Variants in TRIM66 observed in about 807,000 individuals in gnomAD.
TRIM66 encodes tripartite motif containing 66.
A neutral mutation model predicts 148.2 loss-of-function variants in TRIM66; 99 were observed. The ratio of observed to expected loss-of-function variants is 0.67; its 90% confidence interval spans 0.57 to 0.79. The LOEUF (loss-of-function observed/expected upper bound fraction) is 0.79. Ranked by LOEUF, TRIM66 falls within the 30% of genes least tolerant of loss-of-function variation. TRIM66 has a pLI of 0.00. For missense variants in TRIM66, 1,666 were observed against 1,697.9 expected (o/e 0.98, Z 0.33); for synonymous variants, 616 against 635.9 (o/e 0.97, Z 0.47).
intron 11 of TRIM66, among the ~76,000 whole-genome samples, chr11:8,646,088 A>G (rs2036820757): frequency 6.6e-6 from 1 of 152,198 alleles, no homozygotes; most frequent in South Asian, 2.1e-4. Context: ...TTTATAGTGC[A>G]AATATGGAAT....
intron 6 of TRIM66, among the ~76,000 whole-genome samples, chr11:8,666,633 G>A (rs1592192759): frequency 1.3e-5 from 2 of 151,902 alleles, no homozygotes; most frequent in African/African-American, 4.8e-5. Context: ...CCATTTTACA[G>A]GCAAAAAAAA....
At chr11:8,643,986 T>C (rs142515262) in intron 12 of TRIM66, among the ~76,000 whole-genome samples, 28 of 152,342 alleles carry the variant, frequency 1.8e-4, no homozygotes, top group African/African-American at 6.3e-4. Context: ...ATCTCTTGCA[T>C]GGCAACCACC....
Position 8,619,535 on chromosome 11 carries a change from C to T in TRIM66, c.3748G>A (p.Ala1250Thr). The T allele has an allele frequency of 6.5e-7, 1 of 1,534,306 alleles. No individual in the cohort carries two copies. ...TTGATAATCTGGTAATAATGCCGGG[C>T]CTTGGGGGAGGAGACATGAGGAGAA... ...LPFHEPVSPLARHYYQIIKRP... is the reference protein window; with the variant it reads ...LPFHEPVSPLTRHYYQIIKRP... Residue 1250 changes from alanine (A) to threonine (T), a missense_variant and splice_region_variant, in exon 23 of 25, where the codon GCC becomes ACC. Coordinates refer to ENST00000646038, the MANE Select transcript of TRIM66 (RefSeq NM_001388022.1).
At position 8,649,866 on chromosome 11, in the gene TRIM66, TCTC is replaced by T. The variant is rs1565538340; in HGVS notation, c.463_465del (p.Glu155del). On this transcript the variant is annotated inframe_deletion, in exon 8 of 25. Coordinates refer to ENST00000646038, the MANE Select transcript of TRIM66 (RefSeq NM_001388022.1). The stretch of plus-strand genomic sequence containing the variant: ...GTGCAGAGGATATGTGCTGCCCTCT[TCTC>T]CTTGCACTCAGAGCAGTTCTGGAAG... The T allele has an allele frequency of 5.8e-6, 9 of 1,551,560 alleles. No individual in the cohort carries two copies. In the South Asian group the frequency reaches 9.5e-5, roughly 16 times the overall value.
In TRIM66 at chr11:8,651,872, T is replaced by C. The variant is rs1025699596; in HGVS notation, c.372A>G (p.Val124=). 31 of 1,551,594 alleles carry C rather than the reference T, an allele frequency of 2.0e-5. No homozygotes were observed. Among genetic ancestry groups the C allele is most frequent in the Non-Finnish European group, 2.4e-5 (27 of 1,146,996 alleles). ...ELISCPGCER[V]YLTRDVTEHF... ...GTTCAGTTACATCCCTGGTAAGATA[T>C]ACTCGTTCACACCCAGGACAGGAGA... The change falls in exon 7 of 25, where the codon GTA becomes GTG. Residue 124 remains valine (V), a synonymous_variant. Transcript: ENST00000646038.
At chr11:8,621,404 T>C (rs916673861) in intron 19 of TRIM66, 83 bp from the exon 20 acceptor site, 1 of 1,457,728 alleles carries the variant, frequency 6.9e-7, no homozygotes, top group Non-Finnish European at 9.1e-7. Context: ...TGGCAGGCCC[T>C]GCATGCCTAC....
At chr11:8,656,776 G>A (rs2037866321) in intron 6 of TRIM66, among the ~76,000 whole-genome samples, 1 of 152,322 alleles carries the variant, frequency 6.6e-6, no homozygotes, top group East Asian at 1.9e-4. Flanking sequence ...TCATGCAGCT[G>A]AGAAAGGCAG....
At chr11:8,627,420 C>T (rs549469370) in intron 15 of TRIM66, among the ~76,000 whole-genome samples, 5 of 152,150 alleles carry the variant, frequency 3.3e-5, no homozygotes, top group Non-Finnish European at 7.4e-5. Flanking sequence ...AGGCAATTTG[C>T]TAAATGTTTT....
At chr11:8,664,165 G>A (rs1301063041) in intron 6 of TRIM66, among the ~76,000 whole-genome samples, 1 of 152,168 alleles carries the variant, frequency 6.6e-6, no homozygotes, top group Non-Finnish European at 1.5e-5. Flanking sequence ...TATGTGAGGT[G>A]TTGTATATGT....
At chr11:8,638,898 A>C (rs1592089631) in intron 14 of TRIM66, 83 bp from the exon 15 acceptor site, 1 of 1,407,586 alleles carries the variant, frequency 7.1e-7, no homozygotes, top group Non-Finnish European at 9.5e-7. Context: ...GCTAGTGCTC[A>C]CCCTGCCATG....
In TRIM66 at chr11:8,682,643, C is replaced by A. The variant is rs1347816448; in HGVS notation, c.-590G>T. The A allele has an allele frequency of 4.1e-6, 3 of 736,572 alleles. No homozygotes were observed. The highest frequency in any genetic ancestry group is 1.8e-5 in the African/African-American group (1 of 56,560). The allele number at this position is 736,572 out of a possible 1,614,324, so 45.6% of individuals were successfully genotyped here. ...ACCAGGACACTCCGTGATGGGGGAT[C>A]ACCACCCTCAGAAAGAGGAAGCGAC... On this transcript the variant is annotated 5_prime_UTR_variant, in exon 1 of 25. Coordinates refer to ENST00000646038, the MANE Select transcript of TRIM66 (RefSeq NM_001388022.1).
intron 3 of TRIM66, among the ~76,000 whole-genome samples, chr11:8,677,180 A>T (rs1038260060): frequency 6.6e-6 from 1 of 152,198 alleles, no homozygotes; most frequent in Non-Finnish European, 1.5e-5. Flanking sequence ...CACTCATTTT[A>T]GGGAGAAAAT....
intron 18 of TRIM66, among the ~76,000 whole-genome samples, chr11:8,622,129 C>G (rs1053092220): frequency 6.6e-6 from 1 of 151,626 alleles, no homozygotes; most frequent in African/African-American, 2.4e-5. Flanking sequence ...CTGGCTATAT[C>G]TTTCTCCTGT....
intron 17 of TRIM66, 112 bp from the exon 18 acceptor site, chr11:8,622,988 T>G: frequency 1.2e-6 from 1 of 847,156 alleles, no homozygotes. Context: ...ACATCTGTCA[T>G]ACAGTAGTTA....
chr11:8,624,516 T>G lies in TRIM66; in HGVS notation c.2862A>C (p.Leu954Phe), dbSNP rs1314988746. Reference sequence around the variant, plus strand: ...CGGGGACTATGGGACCTTGTCCCAGTAAGTCAGTGAAGCGAGTGGAATCCT... The same window carrying G: ...CGGGGACTATGGGACCTTGTCCCAGGAAGTCAGTGAAGCGAGTGGAATCCT... ...ESEDSTRFTD[L>F]LGQGPIVPGL... Residue 954 changes from leucine to phenylalanine, a missense_variant, in exon 17 of 25, where the codon TTA becomes TTC. Physicochemically the swap from Leu to Phe is conservative, Grantham distance 22. Transcript: ENST00000646038. The G allele has an allele frequency of 6.5e-7, 1 of 1,541,234 alleles. No homozygotes were observed. The highest frequency in any genetic ancestry group is 8.7e-7 in the Non-Finnish European group (1 of 1,144,138).
In TRIM66 at chr11:8,619,993, T is replaced by C; in HGVS notation, c.3747+57A>G. ...GGGTTAGGGGAGGCTGGGGTAGCAGTATAGGCACAAATCCACATGCAAGGA... is the reference window on the plus strand; with the variant it reads ...GGGTTAGGGGAGGCTGGGGTAGCAGCATAGGCACAAATCCACATGCAAGGA... On this transcript the variant is annotated intron_variant, in intron 22 of 24. Coordinates refer to ENST00000646038, the MANE Select transcript of TRIM66 (RefSeq NM_001388022.1). 8.9e-6 allele frequency: 13 copies of C among 1,455,128 alleles called. 1 individual carries two copies. In the South Asian group the frequency reaches 1.3e-4, roughly 15 times the overall value. The allele number at this position is 1,455,128 out of a possible 1,614,324, so 90.1% of individuals were successfully genotyped here. A position where few individuals can be genotyped will look rare whatever the true frequency, so the allele number is the denominator to read the frequency against.
Position 8,616,567 on chromosome 11 carries a change from A to G in TRIM66, c.*1377T>C, listed in dbSNP as rs1488585927. The stretch of plus-strand genomic sequence containing the variant: ...GTAGCCTGACCTCCAGTATCCTCAC[A>G]AACACCCTGCGAGGGCCATGCAGAT... On this transcript the variant is annotated 3_prime_UTR_variant, in exon 25 of 25. Coordinates refer to ENST00000646038, the MANE Select transcript of TRIM66 (RefSeq NM_001388022.1). 1 of 152,174 alleles carries G rather than the reference A, an allele frequency of 6.6e-6. No individual in the cohort carries two copies. The highest frequency in any genetic ancestry group is 1.5e-5 in the Non-Finnish European group (1 of 68,052). The allele number at this position is 152,174 out of a possible 1,614,324, so 9.4% of individuals were successfully genotyped here.
In TRIM66 at chr11:8,613,666, G is replaced by A. The variant is rs1368784828; in HGVS notation, c.*4278C>T. ...CCAGGGAGTGGGAGCAGTGGAGTAAGCGAGGGAGCAGTCTTGGAGGACATA... is the reference window on the plus strand; with the variant it reads ...CCAGGGAGTGGGAGCAGTGGAGTAAACGAGGGAGCAGTCTTGGAGGACATA... On this transcript the variant is annotated 3_prime_UTR_variant, in exon 25 of 25. Coordinates refer to ENST00000646038, the MANE Select transcript of TRIM66 (RefSeq NM_001388022.1). 6.6e-6 allele frequency: 1 copy of A among 152,326 alleles called. No homozygotes were observed. The highest frequency in any genetic ancestry group is 1.5e-5 in the Non-Finnish European group (1 of 68,140). The allele number at this position is 152,326 out of a possible 1,614,324, so 9.4% of individuals were successfully genotyped here.
At chr11:8,657,696 C>T (rs1269870737) in intron 6 of TRIM66, among the ~76,000 whole-genome samples, 1 of 152,060 alleles carries the variant, frequency 6.6e-6, no homozygotes, top group African/African-American at 2.4e-5. Flanking sequence ...CAGCCCCAGT[C>T]TACTGAGCAC....
Sources: allele counts gnomAD v4.1 joint callset (sites outside exome capture counted in the v4.1 genomes callset), GRCh38; gene constraint gnomAD v4.1.1; transcripts MANE v1.5; gene names NCBI Gene and HGNC (gene_info 2026-07-23, HGNC 2026-07-21).